Variants in CD80 observed in about 807,000 individuals in gnomAD.
CD80 encodes the protein CD80 molecule.
CD80 carries 13 observed loss-of-function variants against 27.1 expected under a neutral mutation model. The observed-to-expected ratio is 0.48, with a 90% CI of 0.31 to 0.76. The LOEUF is 0.76. Among genes scored for constraint, CD80 ranks in the 30% least tolerant of loss-of-function variants. The probability of loss-of-function intolerance (pLI) is 0.04; values close to 1 mark genes in which losing one functional copy is unlikely to be tolerated. For synonymous variants in CD80, 125 were observed against 125.5 expected (o/e 1.00, Z 0.03); for missense variants, 277 against 347.9 (o/e 0.80, Z 1.62).
rs1192115695 is a variant in CD80, at chr3:119,559,493, C to T, written c.-254G>A. ...TAAATCCTTTGATTTCAGGGTAAGA[C>T]TCCACTTCTGAGATGTTCTCTTCTT... On this transcript the variant is annotated 5_prime_UTR_variant, in exon 1 of 7. Coordinates refer to ENST00000264246, the MANE Select transcript of CD80 (RefSeq NM_005191.4). The T allele has an allele frequency of 1.3e-5, 2 of 152,190 alleles. No homozygotes were observed. Among genetic ancestry groups the T allele is most frequent in the Non-Finnish European group, 2.9e-5 (2 of 68,046 alleles). 9.4% of individuals were successfully genotyped at this position (152,190 alleles called of 1,614,324 possible).
chr3:119,546,805 G>T lies in CD80; in HGVS notation c.101-1938C>A, dbSNP rs866139494. Among the ~76,000 whole-genome samples the T allele has an allele frequency of 4.5e-5, 6 of 134,276 alleles. No homozygotes were observed. In the Admixed American group the frequency reaches 4.5e-4, roughly 10 times the overall value. 88.1% of individuals were successfully genotyped at this position (134,276 alleles called of 152,430 possible). A position where few individuals can be genotyped will look rare whatever the true frequency, so the allele number is the denominator to read the frequency against. On this transcript the variant is annotated intron_variant, in intron 2 of 6. Coordinates refer to ENST00000264246, the MANE Select transcript of CD80 (RefSeq NM_005191.4). Reference sequence around the variant, plus strand: ...CTACAGCCCCTCTCCCCACAATCACGTGATGCAACAACACACACACACACA... The same window carrying T: ...CTACAGCCCCTCTCCCCACAATCACTTGATGCAACAACACACACACACACA...
intron 4 of CD80, among the ~76,000 whole-genome samples, chr3:119,531,086 A>T (rs925517056): frequency 2.6e-5 from 4 of 152,278 alleles, no homozygotes; most frequent in African/African-American, 9.6e-5. Flanking sequence ...CATGAACAAG[A>T]GCCCCTGCTC....
At chr3:119,531,501 T>A (rs921011551) in intron 4 of CD80, among the ~76,000 whole-genome samples, 2 of 152,160 alleles carry the variant, frequency 1.3e-5, no homozygotes, top group African/African-American at 4.8e-5. Context: ...TTGCCACTGT[T>A]GTGCTATCTA....
intron 4 of CD80, among the ~76,000 whole-genome samples, chr3:119,532,020 TCTC>T (rs2082114114): frequency 6.6e-6 from 1 of 152,184 alleles, no homozygotes; most frequent in Non-Finnish European, 1.5e-5. Context: ...GTTGGAATCT[TCTC>T]CTTCTTGGAC....
intron 2 of CD80, among the ~76,000 whole-genome samples, chr3:119,553,357 C>T (rs1172261011): frequency 7.2e-5 from 11 of 152,112 alleles, no homozygotes; most frequent in Admixed American, 7.2e-4. Context: ...CCAGGCTGGT[C>T]TCAAACTCCT....
intron 4 of CD80, among the ~76,000 whole-genome samples, chr3:119,531,094 C>T (rs958313807): frequency 3.3e-5 from 5 of 152,388 alleles, no homozygotes. Flanking sequence ...AGAGCCCCTG[C>T]TCCTTGGCCA....
At chr3:119,530,721 A>T (rs1270402498) in intron 4 of CD80, among the ~76,000 whole-genome samples, 1 of 152,242 alleles carries the variant, frequency 6.6e-6, no homozygotes, top group East Asian at 1.9e-4. Flanking sequence ...CATTAGCAAC[A>T]TCTGGAAAAA....
chr3:119,540,046 G>A (rs1001526138), intron 3 of CD80, among the ~76,000 whole-genome samples: 10 of 152,122 alleles, frequency 6.6e-5, no homozygotes, highest in African/African-American at 1.9e-4. Flanking sequence ...TGCAACCTCC[G>A]GGTTCAAGTG....
intron 4 of CD80, among the ~76,000 whole-genome samples, chr3:119,531,618 T>A (rs2082111752): frequency 6.6e-6 from 1 of 152,034 alleles, no homozygotes; most frequent in Admixed American, 6.6e-5. Context: ...TCCCTGTTTT[T>A]ACTTTTCTGA....
chr3:119,540,854 C>G (rs768433815), intron 3 of CD80, among the ~76,000 whole-genome samples: 4 of 151,916 alleles, frequency 2.6e-5, no homozygotes, highest in Admixed American at 6.6e-5. Flanking sequence ...TTTGAGACCA[C>G]CCTGGACAAC....
chr3:119,554,798 TA>T (rs1290663115), intron 2 of CD80, among the ~76,000 whole-genome samples: 1 of 152,214 alleles, frequency 6.6e-6, no homozygotes, highest in Non-Finnish European at 1.5e-5. Context: ...TCACTAATTT[TA>T]CATGGTACAC....
intron 4 of CD80, among the ~76,000 whole-genome samples, chr3:119,535,436 G>A (rs1349191231): frequency 1.3e-5 from 2 of 152,126 alleles, no homozygotes; most frequent in Admixed American, 1.3e-4. Flanking sequence ...GGGGCTAGGG[G>A]TAGGGAGAGA....
intron 3 of CD80, among the ~76,000 whole-genome samples, chr3:119,539,705 G>A (rs560806487): frequency 5.9e-5 from 9 of 152,212 alleles, no homozygotes; most frequent in African/African-American, 2.2e-4. Context: ...CACATAAAGA[G>A]ATTAGCTTCT....
intron 3 of CD80, chr3:119,544,264 CA>C (rs2082187762): frequency 1.9e-5 from 8 of 417,288 alleles, no homozygotes; most frequent in Admixed American, 1.9e-4. Flanking sequence ...TACATCAAAT[CA>C]AAGATGCCCC....
In CD80 at chr3:119,546,924, TTAAG is replaced by T. The variant is rs2082205671; in HGVS notation, c.101-2061_101-2058del. ...AATCTAAGAATAAATTTTATCCAGA[TTAAG>T]TGAGCTAAAGACAATCCATTTCATG... On this transcript the variant is annotated intron_variant, in intron 2 of 6. Transcript: ENST00000264246. Among the ~76,000 whole-genome samples the T allele has an allele frequency of 2.6e-5, 4 of 152,248 alleles. No individual in the cohort carries two copies. In the South Asian group the frequency reaches 8.3e-4, roughly 32 times the overall value.
intron 2 of CD80, among the ~76,000 whole-genome samples, chr3:119,556,531 G>T (rs1196285436): frequency 6.6e-6 from 1 of 152,168 alleles, no homozygotes; most frequent in Non-Finnish European, 1.5e-5. Flanking sequence ...AAAACCTGAG[G>T]TGTAAATTGT....
At chr3:119,552,090 C>T (rs1460584389) in intron 2 of CD80, among the ~76,000 whole-genome samples, 1 of 152,238 alleles carries the variant, frequency 6.6e-6, no homozygotes, top group Admixed American at 6.5e-5. Context: ...TCTCCTGACC[C>T]CTTGGCCACC....
chr3:119,540,157 G>A (rs1376560059), intron 3 of CD80, among the ~76,000 whole-genome samples: 1 of 152,158 alleles, frequency 6.6e-6, no homozygotes, highest in Non-Finnish European at 1.5e-5. Context: ...CACTGTGTTA[G>A]CCAGGATGGT....
In CD80 at chr3:119,527,742, T is replaced by C; in HGVS notation, c.*29A>G. 1 of 1,593,918 alleles carries C rather than the reference T, an allele frequency of 6.3e-7. No individual in the cohort carries two copies. Among genetic ancestry groups the C allele is most frequent in the Non-Finnish European group, 8.6e-7 (1 of 1,161,808 alleles). On this transcript the variant is annotated 3_prime_UTR_variant, in exon 6 of 7. Coordinates refer to ENST00000264246, the MANE Select transcript of CD80 (RefSeq NM_005191.4). The stretch of plus-strand genomic sequence containing the variant: ...AGATGACGGAGGCTACCTTCAGATC[T>C]TTTCAGCCCCTTGCTTCTGCGGACA...
Sources: allele counts gnomAD v4.1 joint callset (sites outside exome capture counted in the v4.1 genomes callset), GRCh38; gene constraint gnomAD v4.1.1; transcripts MANE v1.5; gene names NCBI Gene and HGNC (gene_info 2026-07-23, HGNC 2026-07-21).